B4GALNT4: variants seen among roughly 807,000 people sequenced by gnomAD.
The protein encoded by B4GALNT4 is beta-1,4-N-acetyl-galactosaminyltransferase 4.
B4GALNT4 carries 77 observed loss-of-function variants against 110.0 expected under a neutral mutation model. The observed-to-expected ratio is 0.70, with a 90% CI of 0.58 to 0.85. The LOEUF (loss-of-function observed/expected upper bound fraction) is 0.85. Among genes scored for constraint, B4GALNT4 ranks in the 40% least tolerant of loss-of-function variants. B4GALNT4 has a pLI of 0.00. For missense variants in B4GALNT4, 1,575 were observed against 1,506.0 expected (o/e 1.05, Z -0.76); for synonymous variants, 785 against 655.5 (o/e 1.20, Z -3.02).
At chr11:374,303 T>A (rs1846680449) in intron 8 of B4GALNT4, among the ~76,000 whole-genome samples, 1 of 151,742 alleles carries the variant, frequency 6.6e-6, no homozygotes, top group African/African-American at 2.4e-5. Context: ...GAAGGATTTT[T>A]ACTGTGGCCT....
intron 8 of B4GALNT4, 40 bp downstream of exon 8, chr11:373,868 C>G (rs780392489): frequency 6.3e-7 from 1 of 1,580,004 alleles, no homozygotes; most frequent in Non-Finnish European, 8.7e-7. Flanking sequence ...GGAGACTCCA[C>G]TCCCCCCACC....
chr11:370,806 C>T (rs1846604088), intron 1 of B4GALNT4, among the ~76,000 whole-genome samples: 1 of 152,038 alleles, frequency 6.6e-6, no homozygotes, highest in African/African-American at 2.4e-5. Context: ...CCTGAGGGGG[C>T]AGAACAATGA....
intron 1 of B4GALNT4, among the ~76,000 whole-genome samples, chr11:370,926 C>T (rs1215383938): frequency 6.6e-6 from 1 of 152,160 alleles, no homozygotes; most frequent in Non-Finnish European, 1.5e-5. Context: ...TTGTCCCAAC[C>T]CACATACCTC....
chr11:373,651 G>A lies in B4GALNT4; in HGVS notation c.705-99G>A. The A allele has an allele frequency of 2.0e-6, 3 of 1,525,938 alleles. No individual in the cohort carries two copies. In the South Asian group the frequency reaches 3.4e-5, roughly 17 times the overall value. The allele number at this position is 1,525,938 out of a possible 1,614,324, so 94.5% of individuals were successfully genotyped here. ...CCGGCCAAGCTGCCATCCTCCTGAGGGCCAGCCCTGAGGGGTGTGGGAGCC... is the reference window on the plus strand; with the variant it reads ...CCGGCCAAGCTGCCATCCTCCTGAGAGCCAGCCCTGAGGGGTGTGGGAGCC... On this transcript the variant is annotated intron_variant, in intron 7 of 19. Coordinates refer to ENST00000329962, the MANE Select transcript of B4GALNT4 (RefSeq NM_178537.5).
At position 380,027 on chromosome 11, in the gene B4GALNT4, C is replaced by A. The variant is rs1343900568; in HGVS notation, c.2642+8C>A. ...CGCCGCGCGCCTGCCCCGGTAACGACCCCTACTTCCACCTGGGCGGACCCA... is the reference window on the plus strand; with the variant it reads ...CGCCGCGCGCCTGCCCCGGTAACGAACCCTACTTCCACCTGGGCGGACCCA... On this transcript the variant is annotated splice_region_variant and intron_variant, in intron 16 of 19. Transcript: ENST00000329962. 2 of 1,610,816 alleles carry A rather than the reference C, an allele frequency of 1.2e-6. No homozygotes were observed. Among genetic ancestry groups the A allele is most frequent in the South Asian group, 2.2e-5 (2 of 90,848 alleles).
Position 380,923 on chromosome 11 carries a change from G to C in B4GALNT4, c.2968G>C (p.Gly990Arg). The C allele has an allele frequency of 2.5e-6, 4 of 1,613,408 alleles. No individual in the cohort carries two copies. Among genetic ancestry groups the C allele is most frequent in the Non-Finnish European group, 3.4e-6 (4 of 1,179,728 alleles). The stretch of plus-strand genomic sequence containing the variant: ...CACGGAGGAGTTCCGAGACCAGTGG[G>C]GGGGTGAAGACTGGGAGCTCCTGGA... ...MNTEEFRDQW[G>R]GEDWELLDRV... Residue 990 changes from glycine to arginine, a missense_variant, in exon 19 of 20, where the codon GGG becomes CGG. Transcript: ENST00000329962.
Position 376,440 on chromosome 11 carries a change from C to T in B4GALNT4, c.1317C>T (p.Asp439=), listed in dbSNP as rs551320381. The T allele has an allele frequency of 1.1e-5, 18 of 1,596,728 alleles. No homozygotes were observed. The South Asian group carries it at 1.6e-4, about 15-fold the overall frequency. ...LNPDDFLDDE[D]EGELLDSLEP... is the part of the protein sequence containing the mutation. ...CCGCAGACTTCCTGGACGACGAGGA[C>T]GAGGGGGAGCTGCTCGACAGCCTGG... is the stretch of plus-strand genomic sequence containing the variant. Residue 439 remains aspartate (D), a synonymous_variant, in exon 14 of 20, where the codon GAC becomes GAT. Coordinates refer to ENST00000329962, the MANE Select transcript of B4GALNT4 (RefSeq NM_178537.5).
intron 15 of B4GALNT4, 66 bp from the exon 16 acceptor site, chr11:379,800 G>C: frequency 2.0e-6 from 3 of 1,520,626 alleles, no homozygotes; most frequent in Non-Finnish European, 2.6e-6. Flanking sequence ...GAAGTTCTTC[G>C]GAGCTGGGAG....
chr11:371,599 C>G (rs1846619617), intron 1 of B4GALNT4, among the ~76,000 whole-genome samples: 1 of 152,274 alleles, frequency 6.6e-6, no homozygotes, highest in Non-Finnish European at 1.5e-5. Flanking sequence ...GCCTGTTCCT[C>G]AGTCCAGACT....
In B4GALNT4 at chr11:379,617, G is replaced by A. The variant is rs985586042; in HGVS notation, c.2404G>A (p.Val802Met). ...ESPEPAPAAS[V>M]RPDGRPELCR... ...TCCCGAACCCGCTCCCGCCGCCTCC[G>A]TGCGCCCCGACGGCCGCCCCGAGCT... The change falls in exon 15 of 20, where the codon GTG (valine) becomes ATG (methionine). Residue 802 changes from valine (V) to methionine (M), a missense_variant. Transcript: ENST00000329962. The A allele has an allele frequency of 6.5e-7, 1 of 1,538,298 alleles. No individual in the cohort carries two copies.
At chr11:379,766 G>C in intron 15 of B4GALNT4, 65 bp downstream of exon 15, 1 of 1,507,260 alleles carries the variant, frequency 6.6e-7, no homozygotes, top group South Asian at 1.3e-5. Context: ...CTAATGACTA[G>C]GAAAGGGTGT....
In B4GALNT4 at chr11:377,185, G is replaced by A. The variant is rs775200465; in HGVS notation, c.2062G>A (p.Val688Met). ...CATCGACTGGCAGCGCACGTTCAGC[G>A]TGGGCGCCGTGGACTTCGAGCTGCT... ...DAIDWQRTFS[V>M]GAVDFELLRS... Residue 688 changes from valine to methionine, a missense_variant, in exon 14 of 20, where the codon GTG becomes ATG. By Grantham distance (21) the Val-to-Met change is conservative. Coordinates refer to ENST00000329962, the MANE Select transcript of B4GALNT4 (RefSeq NM_178537.5). 6.3e-7 allele frequency: 1 copy of A among 1,582,236 alleles called. No homozygotes were observed. The highest frequency in any genetic ancestry group is 1.2e-5 in the South Asian group (1 of 86,856).
Position 373,521 on chromosome 11 carries a change from G to A in B4GALNT4, c.704+5G>A. 1 of 1,611,700 alleles carries A rather than the reference G, an allele frequency of 6.2e-7. No individual in the cohort carries two copies. Among genetic ancestry groups the A allele is most frequent in the Middle Eastern group, 1.7e-4 (1 of 6,054 alleles). The stretch of plus-strand genomic sequence containing the variant: ...CCAGGTGTCCAAGCCCAGGCGGTGA[G>A]TGACTGTGGGGTGCATGTGCGTGCA... On this transcript the variant is annotated splice_donor_5th_base_variant and intron_variant, in intron 7 of 19. Coordinates refer to ENST00000329962, the MANE Select transcript of B4GALNT4 (RefSeq NM_178537.5).
At position 379,866 on chromosome 11, in the gene B4GALNT4, T is replaced by G; in HGVS notation, c.2489T>G (p.Val830Gly). ...GCCCCCCCCGCCTTTTCTCCTCCAGTGAAAAACCAGGCACGGTGGGTGGCA... is the reference window on the plus strand; with the variant it reads ...GCCCCCCCCGCCTTTTCTCCTCCAGGGAAAAACCAGGCACGGTGGGTGGCA... ...QDVMVHFIVP[V>G]KNQARWVAQF... Residue 830 changes from valine to glycine, a missense_variant and splice_region_variant, in exon 16 of 20, where the codon GTG becomes GGG. Transcript: ENST00000329962. 1 of 1,587,990 alleles carries G rather than the reference T, an allele frequency of 6.3e-7. No homozygotes were observed. The highest frequency in any genetic ancestry group is 8.6e-7 in the Non-Finnish European group (1 of 1,166,480).
At chr11:372,060 G>A in intron 1 of B4GALNT4, 49 bp from the exon 2 acceptor site, 1 of 1,473,902 alleles carries the variant, frequency 6.8e-7, no homozygotes, top group South Asian at 1.2e-5. Context: ...AGGCAGAATG[G>A]CCTTGGAGAG....
chr11:372,193 G>C lies in B4GALNT4; in HGVS notation c.236G>C (p.Ser79Thr). The C allele has an allele frequency of 1.9e-6, 3 of 1,550,202 alleles. No individual in the cohort carries two copies. The highest frequency in any genetic ancestry group is 2.6e-6 in the Non-Finnish European group (3 of 1,146,848). The part of the protein sequence containing the change: ...STQRAEDSSE[S>T]REEEQAPEGR... Reference sequence around the variant, plus strand: ...CAGAGGGCTGAGGACTCCAGTGAGAGCCGTGAAGAGGAGCAAGCGGTGAGC... The same window carrying C: ...CAGAGGGCTGAGGACTCCAGTGAGACCCGTGAAGAGGAGCAAGCGGTGAGC... Residue 79 changes from serine to threonine, a missense_variant, in exon 2 of 20, where the codon AGC becomes ACC. Physicochemically the swap from Ser to Thr is moderately conservative, Grantham distance 58. Transcript: ENST00000329962.
In B4GALNT4 at chr11:380,178, G is replaced by T; in HGVS notation, c.2691G>T (p.Leu897=). ...RTGNFERSAG[L]QAGVDAVEDA... is the part of the protein sequence containing the mutation. ...GGAACTTCGAGCGCTCCGCCGGGCT[G>T]CAGGCGGGAGTGGACGCGGTAGAGG... Residue 897 remains leucine (L), a synonymous_variant, in exon 17 of 20, where the codon CTG becomes CTT. Coordinates refer to ENST00000329962, the MANE Select transcript of B4GALNT4 (RefSeq NM_178537.5). The T allele has an allele frequency of 6.2e-7, 1 of 1,603,410 alleles. No individual in the cohort carries two copies. The highest frequency in any genetic ancestry group is 1.1e-5 in the South Asian group (1 of 90,358).
In B4GALNT4 at chr11:376,898, G is replaced by A. The variant is rs1381736278; in HGVS notation, c.1775G>A (p.Arg592Gln). The change falls in exon 14 of 20, where the codon CGG becomes CAG. Residue 592 changes from arginine to glutamine, a missense_variant. Transcript: ENST00000329962. Reference sequence around the variant, plus strand: ...GCCACACAGCCGAGGCCCCCAGCCCGGGCGCAGGCCACCCAAGGGGGCCGG... The same window carrying A: ...GCCACACAGCCGAGGCCCCCAGCCCAGGCGCAGGCCACCCAAGGGGGCCGG... Reference protein sequence around the residue: ...PQATQPRPPARAQATQGGREG... With the variant: ...PQATQPRPPAQAQATQGGREG... 6 of 1,358,966 alleles carry A rather than the reference G, an allele frequency of 4.4e-6. No individual in the cohort carries two copies. The highest frequency in any genetic ancestry group is 3.2e-5 in the East Asian group (1 of 31,500). 84.2% of individuals were successfully genotyped at this position (1,358,966 alleles called of 1,614,324 possible).
At chr11:372,504 C>T (rs1039483342) in intron 2 of B4GALNT4, among the ~76,000 whole-genome samples, 158 bp from the exon 3 acceptor site, 2 of 151,888 alleles carry the variant, frequency 1.3e-5, no homozygotes, top group African/African-American at 4.8e-5. Flanking sequence ...GTGTATGTGC[C>T]AGGTGCCACA....
Sources: allele counts gnomAD v4.1 joint callset (sites outside exome capture counted in the v4.1 genomes callset), GRCh38; gene constraint gnomAD v4.1.1; transcripts MANE v1.5; gene names NCBI Gene and HGNC (gene_info 2026-07-23, HGNC 2026-07-21).